Variants in ADK observed in about 807,000 individuals in gnomAD.
The protein encoded by ADK is N6,N6-dimethyladenosine kinase.
In ADK, 24 loss-of-function variants were observed where a neutral mutation model predicts 44.7. That is an observed-to-expected ratio of 0.54 (90% CI 0.39 to 0.76). The LOEUF (loss-of-function observed/expected upper bound fraction) is 0.76, where lower values mean the gene tolerates loss of function less well. Ranked by LOEUF, ADK falls within the 30% of genes least tolerant of loss-of-function variation. The pLI, the probability that ADK is intolerant of heterozygous loss-of-function variation, is 0.00. For missense variants in ADK, 321 were observed against 425.1 expected (o/e 0.76, Z 2.15); for synonymous variants, 128 against 142.6 (o/e 0.90, Z 0.73).
At chr10:74,676,975 T>TG (rs1855414702) in intron 10 of ADK, among the ~76,000 whole-genome samples, 1 of 152,212 alleles carries the variant, frequency 6.6e-6, no homozygotes, top group South Asian at 2.1e-4. Context: ...CTGGGAGCAG[T>TG]GGCTCACACC....
chr10:74,550,142 C>T (rs1052065078), intron 7 of ADK, among the ~76,000 whole-genome samples: 1 of 149,916 alleles, frequency 6.7e-6, no homozygotes, highest in African/African-American at 2.5e-5. Flanking sequence ...GTGATCTTGG[C>T]TCACTGCAAC....
At chr10:74,557,941 G>A (rs1008739773) in intron 7 of ADK, among the ~76,000 whole-genome samples, 8 of 152,162 alleles carry the variant, frequency 5.3e-5, no homozygotes, top group African/African-American at 1.9e-4. Context: ...TTGAGGTTTG[G>A]CCTTAACATA....
intron 3 of ADK, among the ~76,000 whole-genome samples, chr10:74,295,484 A>T (rs899676521): frequency 1.3e-4 from 19 of 151,942 alleles, no homozygotes; most frequent in Admixed American, 2.6e-4. Context: ...AAATTTTTTT[A>T]AATGAAAAAT....
At chr10:74,616,927 G>A (rs1852784450) in intron 9 of ADK, among the ~76,000 whole-genome samples, 3 of 151,706 alleles carry the variant, frequency 2.0e-5, no homozygotes. Flanking sequence ...TCTTGTATAT[G>A]TATCTTTTGT....
chr10:74,522,127 GT>G (rs1848860287), intron 6 of ADK, among the ~76,000 whole-genome samples: 1 of 152,142 alleles, frequency 6.6e-6, no homozygotes, highest in South Asian at 2.1e-4. Context: ...ATTTAACAAA[GT>G]TTTACATGAC....
chr10:74,480,489 G>A (rs1278304833), intron 6 of ADK, among the ~76,000 whole-genome samples: 1 of 151,886 alleles, frequency 6.6e-6, no homozygotes, highest in African/African-American at 2.4e-5. Context: ...ATGTTGCCCA[G>A]GCTGTTCTCA....
intron 4 of ADK, among the ~76,000 whole-genome samples, chr10:74,339,566 TGTG>T (rs1841518839): frequency 6.6e-6 from 1 of 152,176 alleles, no homozygotes; most frequent in Non-Finnish European, 1.5e-5. Context: ...CCACCAAATC[TGTG>T]TTTGGTGTCA....
At chr10:74,639,573 A>G (rs1225521711) in intron 9 of ADK, among the ~76,000 whole-genome samples, 1 of 152,232 alleles carries the variant, frequency 6.6e-6, no homozygotes, top group Non-Finnish European at 1.5e-5. Context: ...ACAGTGGTTC[A>G]CACCTGTAAT....
chr10:74,678,273 AT>A (rs1855479046), intron 10 of ADK, among the ~76,000 whole-genome samples: 1 of 152,172 alleles, frequency 6.6e-6, no homozygotes, highest in Middle Eastern at 3.2e-3. Flanking sequence ...CACTAGTGTT[AT>A]ACATCCAGAG....
chr10:74,326,421 C>T (rs1841012941), intron 4 of ADK, among the ~76,000 whole-genome samples: 1 of 129,376 alleles, frequency 7.7e-6, no homozygotes. Context: ...ATAGTGAGAC[C>T]TTGTTTCTAC....
At chr10:74,229,980 A>G (rs970787320) in intron 3 of ADK, among the ~76,000 whole-genome samples, 42 of 151,548 alleles carry the variant, frequency 2.8e-4, no homozygotes, top group African/African-American at 9.9e-4. Context: ...TCCAGGCTGC[A>G]GTGAGCTATG....
chr10:74,262,437 A>C (rs1846072853), intron 3 of ADK, among the ~76,000 whole-genome samples: 1 of 151,722 alleles, frequency 6.6e-6, no homozygotes, highest in African/African-American at 2.4e-5. Flanking sequence ...TTTCTCTGAG[A>C]GGTAGAGGGT....
chr10:74,470,337 T>C (rs748918296), intron 6 of ADK, among the ~76,000 whole-genome samples: 1 of 152,234 alleles, frequency 6.6e-6, no homozygotes. Flanking sequence ...ATTTTCTTTA[T>C]ACATTCATCT....
At chr10:74,239,185 T>G (rs1845096397) in intron 3 of ADK, among the ~76,000 whole-genome samples, 1 of 152,172 alleles carries the variant, frequency 6.6e-6, no homozygotes, top group Non-Finnish European at 1.5e-5. Context: ...TTTTTCTTTT[T>G]GCTTTAAGGC....
intron 8 of ADK, 62 bp from the exon 9 acceptor site, chr10:74,600,314 TCTA>T (rs1852069480): frequency 1.0e-6 from 1 of 968,732 alleles, no homozygotes; most frequent in African/African-American, 1.6e-5. Flanking sequence ...AAATTGTTAA[TCTA>T]CTAATAAAGT....
At chr10:74,556,776 T>C (rs1295359143) in intron 7 of ADK, among the ~76,000 whole-genome samples, 1 of 152,214 alleles carries the variant, frequency 6.6e-6, no homozygotes, top group East Asian at 1.9e-4. Flanking sequence ...TCCATTATTG[T>C]TGTGTAAGGT....
intron 8 of ADK, among the ~76,000 whole-genome samples, chr10:74,599,587 A>G (rs1852046566): frequency 6.6e-6 from 1 of 152,234 alleles, no homozygotes. Context: ...CCCACTGAAT[A>G]CAGACATGGA....
chr10:74,211,186 TTTAA>T (rs1298712059), intron 2 of ADK, among the ~76,000 whole-genome samples: 1 of 152,144 alleles, frequency 6.6e-6, no homozygotes, highest in East Asian at 1.9e-4. Context: ...TGCCCGGTCT[TTTAA>T]TTAATTCTTT....
intron 7 of ADK, among the ~76,000 whole-genome samples, chr10:74,554,444 C>T (rs11598022): frequency 0.27 from 41,643 of 151,796 alleles, 7,295 homozygotes; most frequent in East Asian, 0.63. Flanking sequence ...ATTGCAAATA[C>T]ATCCTGTTTA....
Sources: gnomAD v4.1 joint callset for allele counts (sites outside exome capture counted in the v4.1 genomes callset) on GRCh38, gnomAD v4.1.1 for gene constraint, MANE v1.5 for transcripts, NCBI Gene and HGNC (gene_info 2026-07-23, HGNC 2026-07-21) for gene names.